Variants in MED13 observed in about 807,000 individuals in gnomAD.
MED13 encodes the protein mediator of RNA polymerase II transcription subunit 13.
Under a neutral mutation model 225.2 loss-of-function variants are expected in MED13, and 23 were observed. The observed-to-expected ratio is 0.10, with a 90% confidence interval of 0.07 to 0.14. The LOEUF (loss-of-function observed/expected upper bound fraction) is 0.14, where lower values mean the gene tolerates loss of function less well. MED13 is among the 10% of genes least tolerant of loss of function. The pLI, the probability that MED13 is intolerant of heterozygous loss-of-function variation, is 1.00. For synonymous variants in MED13, 942 were observed against 889.2 expected, an observed-to-expected ratio of 1.06 and a Z score of -1.06; for missense variants, 2,197 against 2,594.5, an observed-to-expected ratio of 0.85 and a Z score of 3.33.
chr17:62,055,873 T>G (rs981173948), intron 2 of MED13, among the ~76,000 whole-genome samples: 3 of 152,158 alleles, frequency 2.0e-5, no homozygotes, highest in East Asian at 3.9e-4. Flanking sequence ...GTATTAATCT[T>G]GAAGCATTTC....
At chr17:62,064,606 A>G (rs1275610492) in intron 1 of MED13, among the ~76,000 whole-genome samples, 1 of 152,234 alleles carries the variant, frequency 6.6e-6, no homozygotes, top group Admixed American at 6.5e-5. Flanking sequence ...TGGCTTTTAC[A>G]GAGAGATCTT....
chr17:62,022,300 C>CA (rs2080656843), intron 8 of MED13, among the ~76,000 whole-genome samples: 1 of 151,614 alleles, frequency 6.6e-6, no homozygotes, highest in Admixed American at 6.6e-5. Flanking sequence ...CCTTCTGTCA[C>CA]AGAGTAAGGA....
At chr17:61,947,148 C>A in intron 28 of MED13, 131 bp from the exon 29 acceptor site, 1 of 554,624 alleles carries the variant, frequency 1.8e-6, no homozygotes, top group Non-Finnish European at 3.1e-6. Context: ...GAATGAAAGC[C>A]ACTATAAAAA....
chr17:62,061,033 C>G (rs2081035255), intron 2 of MED13, among the ~76,000 whole-genome samples: 1 of 152,082 alleles, frequency 6.6e-6, no homozygotes. Flanking sequence ...AAGTAACTAC[C>G]ATTTTTGAAA....
intron 3 of MED13, among the ~76,000 whole-genome samples, chr17:62,046,181 A>G (rs1355576454): frequency 1.3e-5 from 2 of 152,186 alleles, no homozygotes; most frequent in South Asian, 2.1e-4. Flanking sequence ...TACCTTCCCT[A>G]TATCATTCCA....
In MED13 at chr17:62,035,604, G is replaced by A; in HGVS notation, c.475C>T (p.His159Tyr). Residue 159 changes from histidine (H) to tyrosine (Y), a missense_variant, in exon 4 of 30, where the codon CAC becomes TAC. Transcript: ENST00000397786. ...AAAAAGGTGAAGGAGCAGGACAAGTGTTCACTAAAAAAGAAGAAAAAGTTT... is the reference window on the plus strand; with the variant it reads ...AAAAAGGTGAAGGAGCAGGACAAGTATTCACTAAAAAAGAAGAAAAAGTTT... ...KDEKPINKSE[H>Y]LSCSFTFFLH... The A allele has an allele frequency of 6.2e-7, 1 of 1,602,944 alleles. No homozygotes were observed. Among genetic ancestry groups the A allele is most frequent in the Non-Finnish European group, 8.5e-7 (1 of 1,177,252 alleles).
chr17:61,971,895 G>A (rs369725287), intron 17 of MED13, among the ~76,000 whole-genome samples: 1 of 152,128 alleles, frequency 6.6e-6, no homozygotes, highest in East Asian at 1.9e-4. Context: ...GACGGCGCCA[G>A]TGCACTCCAG....
At position 61,944,680 on chromosome 17, in the gene MED13, A is replaced by T. The variant is rs530881841; in HGVS notation, c.*1788T>A. ...AGTATTCACAAAAACAAGTTTCAGT[A>T]AAAAAAAAAACTAAAACAAACACTG... On this transcript the variant is annotated 3_prime_UTR_variant, in exon 30 of 30. Coordinates refer to ENST00000397786, the MANE Select transcript of MED13 (RefSeq NM_005121.3). 1.4e-5 allele frequency: 2 copies of T among 145,130 alleles called. No homozygotes were observed. Among genetic ancestry groups the T allele is most frequent in the Non-Finnish European group, 3.0e-5 (2 of 65,800 alleles). The allele number at this position is 145,130 out of a possible 1,614,324, so 9.0% of individuals were successfully genotyped here.
chr17:62,036,319 T>C (rs960115205), intron 3 of MED13, among the ~76,000 whole-genome samples: 1 of 152,098 alleles, frequency 6.6e-6, no homozygotes, highest in Admixed American at 6.6e-5. Flanking sequence ...GTTGAAGGCA[T>C]CCTAGAATCA....
At chr17:61,967,169 G>T (rs924544122) in intron 18 of MED13, among the ~76,000 whole-genome samples, 1 of 152,022 alleles carries the variant, frequency 6.6e-6, no homozygotes, top group African/African-American at 2.4e-5. Flanking sequence ...TAAAACATTG[G>T]ATTAAGCAAA....
intron 2 of MED13, among the ~76,000 whole-genome samples, chr17:62,054,398 T>G (rs1008658590): frequency 6.6e-6 from 1 of 152,194 alleles, no homozygotes; most frequent in African/African-American, 2.4e-5. Context: ...TAGAATAATT[T>G]TTTAAGTCTA....
At chr17:62,017,420 A>G (rs1206693348) in intron 8 of MED13, among the ~76,000 whole-genome samples, 1 of 152,196 alleles carries the variant, frequency 6.6e-6, no homozygotes, top group African/African-American at 2.4e-5. Context: ...TGAAAAAAAG[A>G]ATATAAAAAG....
At chr17:61,957,343 C>T (rs1273583005) in intron 23 of MED13, among the ~76,000 whole-genome samples, 1 of 149,926 alleles carries the variant, frequency 6.7e-6, no homozygotes, top group Non-Finnish European at 1.5e-5. Context: ...GCGCCTGGCC[C>T]AGTAAACTTT....
intron 3 of MED13, among the ~76,000 whole-genome samples, chr17:62,050,728 G>A (rs191371112): frequency 2.0e-5 from 3 of 152,316 alleles, no homozygotes; most frequent in East Asian, 3.9e-4. Context: ...GCCTGGCTGG[G>A]AGCAGTGGCT....
At chr17:61,957,829 G>A (rs139206348) in intron 23 of MED13, among the ~76,000 whole-genome samples, 1 of 152,234 alleles carries the variant, frequency 6.6e-6, no homozygotes, top group Non-Finnish European at 1.5e-5. Flanking sequence ...AGCCAAATAT[G>A]CAACATAAGC....
At chr17:62,052,478 TA>T in intron 3 of MED13, 58 bp downstream of exon 3, 1 of 1,332,022 alleles carries the variant, frequency 7.5e-7, no homozygotes. Context: ...CATTCTCTGT[TA>T]AGACACAAAA....
At chr17:62,039,632 C>A (rs1185054102) in intron 3 of MED13, among the ~76,000 whole-genome samples, 2 of 145,992 alleles carry the variant, frequency 1.4e-5, no homozygotes, top group Non-Finnish European at 3.0e-5. Flanking sequence ...ACTCTTGTCA[C>A]CAAGGTTGGA....
intron 10 of MED13, 100 bp downstream of exon 10, chr17:61,995,052 T>G: frequency 1.1e-6 from 1 of 899,862 alleles, no homozygotes; most frequent in East Asian, 2.5e-5. Flanking sequence ...CTTTCTATTC[T>G]AAGACAAAAG....
At chr17:62,062,590 CACACACACACCACACACACACA>C (rs1217757210) in intron 2 of MED13, among the ~76,000 whole-genome samples, 1 of 78,260 alleles carries the variant, frequency 1.3e-5, no homozygotes, top group Admixed American at 1.7e-4. Context: ...CACACACACA[CACACACACACCACACACACACA>C]CACACACACA....
Sources: gnomAD v4.1 joint callset for allele counts (sites outside exome capture counted in the v4.1 genomes callset) on GRCh38, gnomAD v4.1.1 for gene constraint, MANE v1.5 for transcripts, NCBI Gene and HGNC (gene_info 2026-07-23, HGNC 2026-07-21) for gene names.